The following CWF19L2 variants were observed in gnomAD, a reference collection of about 807,000 sequenced individuals.
CWF19L2 encodes the protein CWF19-like protein 2.
Under a neutral mutation model 111.7 loss-of-function variants are expected in CWF19L2, and 98 were observed. The ratio of observed to expected loss-of-function variants is 0.88; its 90% confidence interval spans 0.75 to 1.04. The LOEUF (loss-of-function observed/expected upper bound fraction) is 1.04. Ranked by LOEUF, CWF19L2 falls within the 50% of genes least tolerant of loss-of-function variation. CWF19L2 has a pLI of 0.00. For synonymous variants in CWF19L2, 351 were observed against 342.9 expected (o/e 1.02, Z -0.26); for missense variants, 1,101 against 1,051.4 (o/e 1.05, Z -0.65).
chr11:107,389,960 T>C, intron 12 of CWF19L2, 114 bp downstream of exon 12: 1 of 886,128 alleles, frequency 1.1e-6, no homozygotes, highest in Admixed American at 3.2e-5. Flanking sequence ...AAGGATTTAA[T>C]TTAATAAAAT....
At chr11:107,441,449 G>T (rs11212239) in intron 5 of CWF19L2, 54 bp downstream of exon 5, 7 of 1,404,758 alleles carry the variant, frequency 5.0e-6, no homozygotes, top group Admixed American at 3.1e-5. Flanking sequence ...TAAATGTCTT[G>T]TAAGTTTATT....
In CWF19L2 at chr11:107,418,179, A is replaced by T. The variant is rs1861254387; in HGVS notation, c.1527+15T>A. On this transcript the variant is annotated intron_variant, in intron 9 of 17. Coordinates refer to ENST00000282251, the MANE Select transcript of CWF19L2 (RefSeq NM_152434.3). Reference sequence around the variant, plus strand: ...TTTAATCATTATTCTCTAAAGCAACATCTAAGAGTCTTACCATATTCCCCA... The same window carrying T: ...TTTAATCATTATTCTCTAAAGCAACTTCTAAGAGTCTTACCATATTCCCCA... 1 of 1,487,208 alleles carries T rather than the reference A, an allele frequency of 6.7e-7. No homozygotes were observed. Among genetic ancestry groups the T allele is most frequent in the Admixed American group, 1.7e-5 (1 of 59,856 alleles). The allele number at this position is 1,487,208 out of a possible 1,614,324, so 92.1% of individuals were successfully genotyped here.
chr11:107,432,009 G>A (rs1861471948), intron 7 of CWF19L2, among the ~76,000 whole-genome samples: 2 of 152,056 alleles, frequency 1.3e-5, no homozygotes, highest in African/African-American at 4.8e-5. Context: ...AAGTACAGCT[G>A]CATATTTTTA....
rs1270155549 is a variant in CWF19L2, at chr11:107,454,524, C to CT, written c.264dup (p.Ala89SerfsTer15). On this transcript the variant is annotated frameshift_variant, in exon 3 of 18. Transcript: ENST00000282251. LOFTEE classifies it high-confidence loss of function. ...CTCTTTTTTTTCTTTTCTTTCTTTG[C>CT]TTTTTTTGAATGCTTGTCTTTTTTC... is the stretch of plus-strand genomic sequence containing the variant. The CT allele has an allele frequency of 2.7e-6, 4 of 1,465,002 alleles. No individual in the cohort carries two copies. Among genetic ancestry groups the CT allele is most frequent in the Admixed American group, 5.4e-5 (2 of 36,900 alleles). 90.8% of individuals were successfully genotyped at this position (1,465,002 alleles called of 1,614,324 possible).
chr11:107,413,937 T>A (rs1017178518), intron 10 of CWF19L2, among the ~76,000 whole-genome samples: 5 of 152,106 alleles, frequency 3.3e-5, no homozygotes, highest in African/African-American at 1.2e-4. Flanking sequence ...CAAACCTGAT[T>A]CTCCAAAAGA....
Position 107,373,030 on chromosome 11 carries a change from A to C in CWF19L2, c.1872+17044T>G, listed in dbSNP as rs7106697. On this transcript the variant is annotated intron_variant, in intron 12 of 17. Transcript: ENST00000282251. ...GGTGACGGACGCACCTGGAAAATCG[A>C]GTCACTCCCACCCAAATATTGCGCT... is the stretch of plus-strand genomic sequence containing the variant. 4.6e-4 allele frequency among the ~76,000 whole-genome samples: 17 copies of C among 36,828 alleles called. 7 individuals carry two copies. The highest frequency in any genetic ancestry group is 3.1e-3 in the Admixed American group (17 of 5,430). The allele number at this position is 36,828 out of a possible 152,430, so 24.2% of individuals were successfully genotyped here. A position where few individuals can be genotyped will look rare whatever the true frequency, so the allele number is the denominator to read the frequency against.
chr11:107,454,583 T>G lies in CWF19L2; in HGVS notation c.217-11A>C, dbSNP rs181139422. 4.4e-5 allele frequency: 59 copies of G among 1,350,556 alleles called. No homozygotes were observed. Among genetic ancestry groups the G allele is most frequent in the Non-Finnish European group, 5.5e-5 (58 of 1,049,632 alleles). The allele number at this position is 1,350,556 out of a possible 1,614,324, so 83.7% of individuals were successfully genotyped here. A position where few individuals can be genotyped will look rare whatever the true frequency, so the allele number is the denominator to read the frequency against. On this transcript the variant is annotated splice_polypyrimidine_tract_variant and intron_variant, in intron 2 of 17. Coordinates refer to ENST00000282251, the MANE Select transcript of CWF19L2 (RefSeq NM_152434.3). ...CTTCACAGAGTGTTCCTACAATCATTTTGAACAGGCAAGAAAATAATTTAA... is the reference window on the plus strand; with the variant it reads ...CTTCACAGAGTGTTCCTACAATCATGTTGAACAGGCAAGAAAATAATTTAA...
In CWF19L2 at chr11:107,455,754, T is replaced by C. The variant is rs1314788477; in HGVS notation, c.128A>G (p.Glu43Gly). Residue 43 changes from glutamate (E) to glycine (G), a missense_variant, in exon 2 of 18, where the codon GAA becomes GGA. Transcript: ENST00000282251. ...LRQAKANFEK[E>G]ERRKELKRLR... ...TCGCTTAAGTTCTTTACGCCTTTCTTCTTTTTCAAAATTGGCTTTAGCCTA... is the reference window on the plus strand; with the variant it reads ...TCGCTTAAGTTCTTTACGCCTTTCTCCTTTTTCAAAATTGGCTTTAGCCTA... 2 of 1,550,776 alleles carry C rather than the reference T, an allele frequency of 1.3e-6. No individual in the cohort carries two copies. Among genetic ancestry groups the C allele is most frequent in the East Asian group, 2.4e-5 (1 of 40,894 alleles).
chr11:107,369,823 T>C (rs531711465), intron 12 of CWF19L2, among the ~76,000 whole-genome samples: 1 of 138,630 alleles, frequency 7.2e-6, no homozygotes, highest in East Asian at 2.1e-4. Context: ...ATTATAACTG[T>C]GGTGTTAGTC....
chr11:107,393,177 G>A (rs1015773062), intron 10 of CWF19L2, among the ~76,000 whole-genome samples: 5 of 152,042 alleles, frequency 3.3e-5, no homozygotes, highest in Admixed American at 1.3e-4. Context: ...AAAAGATGAC[G>A]AAGTATCAAT....
intron 12 of CWF19L2, among the ~76,000 whole-genome samples, chr11:107,360,798 T>A (rs1175856893): frequency 6.6e-6 from 1 of 152,238 alleles, no homozygotes; most frequent in African/African-American, 2.4e-5. Flanking sequence ...TTGAAAGATA[T>A]CTATTCATAT....
chr11:107,359,843 C>G (rs1276528348), intron 12 of CWF19L2, among the ~76,000 whole-genome samples: 1 of 152,152 alleles, frequency 6.6e-6, no homozygotes, highest in Non-Finnish European at 1.5e-5. Flanking sequence ...ACTGCTACCT[C>G]GCTGCTATGA....
chr11:107,442,090 C>A (rs1861626098), intron 4 of CWF19L2, among the ~76,000 whole-genome samples: 1 of 152,142 alleles, frequency 6.6e-6, no homozygotes, highest in African/African-American at 2.4e-5. Context: ...GAACTCCACT[C>A]ACTATAGAAG....
intron 12 of CWF19L2, among the ~76,000 whole-genome samples, chr11:107,384,966 A>T (rs945174162): frequency 6.6e-6 from 1 of 152,238 alleles, no homozygotes; most frequent in African/African-American, 2.4e-5. Flanking sequence ...GACATAACTA[A>T]ACTATATACC....
At chr11:107,390,009 A>T (rs1860824399) in intron 12 of CWF19L2, 65 bp downstream of exon 12, 2 of 1,355,260 alleles carry the variant, frequency 1.5e-6, no homozygotes, top group East Asian at 4.7e-5. Context: ...TCCAAAAAGC[A>T]GATCACTGTT....
In CWF19L2 at chr11:107,457,771, T is replaced by C. The variant is rs1211847225; in HGVS notation, c.46A>G (p.Lys16Glu). Residue 16 changes from lysine (K) to glutamate (E), a missense_variant, in exon 1 of 18, where the codon AAG becomes GAG. Physicochemically the swap from Lys to Glu is moderately conservative, Grantham distance 56. Transcript: ENST00000282251. ...TGTTCTTTCCGCTCTTCGATACTCT[T>C]CGCACTTTCAAATCTACCACTAGCA... ...AAASGRFESA[K>E]SIEERKEQTR... 6.4e-7 allele frequency: 1 copy of C among 1,551,622 alleles called. No homozygotes were observed. Among genetic ancestry groups the C allele is most frequent in the Non-Finnish European group, 8.7e-7 (1 of 1,147,000 alleles).
chr11:107,397,514 ACG>A (rs1351461830), intron 10 of CWF19L2, among the ~76,000 whole-genome samples: 1 of 151,928 alleles, frequency 6.6e-6, no homozygotes, highest in Non-Finnish European at 1.5e-5. Context: ...CCCCAGCAAG[ACG>A]CGCCCACGGA....
At chr11:107,387,820 G>A (rs543548693) in intron 12 of CWF19L2, among the ~76,000 whole-genome samples, 9 of 152,234 alleles carry the variant, frequency 5.9e-5, no homozygotes, top group South Asian at 2.1e-4. Flanking sequence ...GGCCCGCTCC[G>A]CTCACCTCTT....
chr11:107,338,206 T>A (rs1392315293), intron 14 of CWF19L2, among the ~76,000 whole-genome samples: 1 of 152,074 alleles, frequency 6.6e-6, no homozygotes, highest in African/African-American at 2.4e-5. Context: ...GAGTAGCTAC[T>A]CAGGGACTAA....
Sources: gnomAD v4.1 joint callset for allele counts (sites outside exome capture counted in the v4.1 genomes callset) on GRCh38, gnomAD v4.1.1 for gene constraint, MANE v1.5 for transcripts, NCBI Gene and HGNC (gene_info 2026-07-23, HGNC 2026-07-21) for gene names.